The following ARHGEF10 variants were observed in gnomAD, a reference collection of about 807,000 sequenced individuals.
The protein encoded by ARHGEF10 is Rho guanine nucleotide exchange factor (GEF) 10.
A neutral mutation model predicts 147.4 loss-of-function variants in ARHGEF10; 140 were observed. The observed-to-expected ratio is 0.95, with a 90% CI of 0.83 to 1.09. The LOEUF (loss-of-function observed/expected upper bound fraction) is 1.09, where lower values mean the gene tolerates loss of function less well. Among genes scored for constraint, ARHGEF10 ranks in the 50% least tolerant of loss-of-function variants. ARHGEF10 has a pLI of 0.00. For missense variants in ARHGEF10, 2,222 were observed against 1,752.7 expected, an observed-to-expected ratio of 1.27 and a Z score of -4.78; for synonymous variants, 902 against 695.8, an observed-to-expected ratio of 1.30 and a Z score of -4.67.
At chr8:1,919,301 G>C (rs1378369938) in intron 18 of ARHGEF10, among the ~76,000 whole-genome samples, 2 of 149,050 alleles carry the variant, frequency 1.3e-5, no homozygotes, top group Admixed American at 6.6e-5. Flanking sequence ...TTGTTTTATG[G>C]GTAATGGAGC....
chr8:1,825,480 C>T (rs945638722), intron 1 of ARHGEF10, among the ~76,000 whole-genome samples: 1 of 142,370 alleles, frequency 7.0e-6, no homozygotes, highest in African/African-American at 2.7e-5. Flanking sequence ...CCCAGCTGTC[C>T]CTCGCACCCC....
rs78728215 is a variant in ARHGEF10 at position 1,859,155 on chromosome 8, G to A, written c.194-742G>A. Among the ~76,000 whole-genome samples the A allele has an allele frequency of 5.2e-4, 49 of 94,576 alleles. 1 individual carries two copies. The highest frequency in any genetic ancestry group is 4.2e-3 in the East Asian group (12 of 2,888). 62.0% of individuals were successfully genotyped at this position (94,576 alleles called of 152,430 possible). The stretch of plus-strand genomic sequence containing the variant: ...GCAGCACGCGCCTCTCTGCTTACAC[G>A]GTGTTTCTTTGTGCACAGCACCAGC... On this transcript the variant is annotated intron_variant, in intron 3 of 28. Coordinates refer to ENST00000349830, the MANE Select transcript of ARHGEF10 (RefSeq NM_014629.4).
At chr8:1,918,074 C>T (rs1811893813) in intron 18 of ARHGEF10, among the ~76,000 whole-genome samples, 1 of 152,310 alleles carries the variant, frequency 6.6e-6, no homozygotes, top group South Asian at 2.1e-4. Context: ...AGGCGTGAGC[C>T]ACCGCGCCTG....
At chr8:1,907,274 C>T (rs1810972726) in intron 17 of ARHGEF10, among the ~76,000 whole-genome samples, 2 of 152,198 alleles carry the variant, frequency 1.3e-5, no homozygotes, top group Non-Finnish European at 2.9e-5. Context: ...CAGAACCCCC[C>T]TCTCCATGTA....
intron 23 of ARHGEF10, 124 bp from the exon 24 acceptor site, chr8:1,928,298 ATTTTT>A: frequency 1.2e-6 from 1 of 835,788 alleles, no homozygotes; most frequent in Non-Finnish European, 2.0e-6. Flanking sequence ...ATTTTTTTTT[ATTTTT>A]TTAAGTGTGT....
chr8:1,946,641 C>A (rs1814617932), intron 27 of ARHGEF10, among the ~76,000 whole-genome samples: 1 of 152,236 alleles, frequency 6.6e-6, no homozygotes, highest in Non-Finnish European at 1.5e-5. Flanking sequence ...CTCGCACCAT[C>A]CCACTGCGGG....
rs1804301402 is a variant in ARHGEF10, at chr8:1,843,976, A to G, written c.37+540A>G. Among the ~76,000 whole-genome samples, 3 of 152,208 alleles carry G rather than the reference A, an allele frequency of 2.0e-5. No individual in the cohort carries two copies. In the South Asian group the frequency reaches 6.2e-4, roughly 31 times the overall value. ...GAGTTAAATTGTTGCCAAAAAGACT[A>G]TGCCAGGGTTGCCAGCTCGCGCTCC... is the stretch of plus-strand genomic sequence containing the variant. On this transcript the variant is annotated intron_variant, in intron 2 of 28. Coordinates refer to ENST00000349830, the MANE Select transcript of ARHGEF10 (RefSeq NM_014629.4).
At chr8:1,839,033 G>A (rs999120981) in intron 1 of ARHGEF10, among the ~76,000 whole-genome samples, 21 of 151,986 alleles carry the variant, frequency 1.4e-4, no homozygotes, top group African/African-American at 2.7e-4. Flanking sequence ...ACTGTCCAGC[G>A]TGGAAGCTGT....
chr8:1,842,485 C>T (rs959452454), intron 1 of ARHGEF10, among the ~76,000 whole-genome samples: 18 of 152,332 alleles, frequency 1.2e-4, no homozygotes, highest in Non-Finnish European at 2.2e-4. Flanking sequence ...GGCATGGGCC[C>T]GCCTGGCCTC....
intron 3 of ARHGEF10, 87 bp from the exon 4 acceptor site, chr8:1,859,810 T>A: frequency 6.6e-7 from 1 of 1,518,714 alleles, no homozygotes; most frequent in Non-Finnish European, 9.1e-7. Context: ...TGGGAGCTCA[T>A]ACCTGCTTCC....
chr8:1,888,352 G>C (rs113990445), intron 11 of ARHGEF10, among the ~76,000 whole-genome samples: 2,855 of 145,132 alleles, frequency 0.02, 193 homozygotes, highest in Non-Finnish European at 0.03. Flanking sequence ...ACACTGAGTG[G>C]GGTGAGGGTT....
At chr8:1,911,689 G>T (rs1811369100) in intron 18 of ARHGEF10, among the ~76,000 whole-genome samples, 1 of 152,148 alleles carries the variant, frequency 6.6e-6, no homozygotes, top group Non-Finnish European at 1.5e-5. Context: ...GATCTTGAGT[G>T]GGTCTATGTG....
rs1043886472 is a variant in ARHGEF10 at position 1,958,414 on chromosome 8, G to A, written c.*1151G>A. The A allele has an allele frequency of 6.6e-6, 1 of 152,208 alleles. No homozygotes were observed. The highest frequency in any genetic ancestry group is 2.4e-5 in the African/African-American group (1 of 41,446). The allele number at this position is 152,208 out of a possible 1,614,324, so 9.4% of individuals were successfully genotyped here. On this transcript the variant is annotated 3_prime_UTR_variant, in exon 29 of 29. Coordinates refer to ENST00000349830, the MANE Select transcript of ARHGEF10 (RefSeq NM_014629.4). ...GCCATCCTGCTGAACGTGTATTTCA[G>A]TGTTTCACTTACTGGACGGATAACA...
rs143229783 is a variant in ARHGEF10 at position 1,884,486 on chromosome 8, C to T, written c.1076-1115C>T. ...GAGGCTTGGACAGAATTTCGTTCTT[C>T]GTCCTGGTTGTACCTAAGAATTAAC... On this transcript the variant is annotated intron_variant, in intron 10 of 28. Transcript: ENST00000349830. Among the ~76,000 whole-genome samples, 48 of 152,212 alleles carry T rather than the reference C, an allele frequency of 3.2e-4. No homozygotes were observed. The East Asian group carries it at 6.4e-3, about 20-fold the overall frequency.
rs1815683395 is a variant in ARHGEF10, at chr8:1,957,551, G to A, written c.*288G>A. 1 of 538,992 alleles carries A rather than the reference G, an allele frequency of 1.9e-6. No homozygotes were observed. The highest frequency in any genetic ancestry group is 1.9e-5 in the African/African-American group (1 of 52,898). The allele number at this position is 538,992 out of a possible 1,614,324, so 33.4% of individuals were successfully genotyped here. Reference sequence around the variant, plus strand: ...AAATACCACATTCTTTTTGACTGCTGTAGTCCATATGTGAATACTAAATGT... The same window carrying A: ...AAATACCACATTCTTTTTGACTGCTATAGTCCATATGTGAATACTAAATGT... On this transcript the variant is annotated 3_prime_UTR_variant, in exon 29 of 29. Coordinates refer to ENST00000349830, the MANE Select transcript of ARHGEF10 (RefSeq NM_014629.4).
chr8:1,841,838 G>GCCGAACCACGAGGCCA (rs1563161369), intron 1 of ARHGEF10, among the ~76,000 whole-genome samples: 7 of 92,066 alleles, frequency 7.6e-5, no homozygotes, highest in East Asian at 6.9e-4. Flanking sequence ...GGGCCGCGAC[G>GCCGAACCACGAGGCCA]GGAACTGGGG....
chr8:1,928,498 T>G lies in ARHGEF10; in HGVS notation c.2769T>G (p.Ile923Met), dbSNP rs755845522. ...TTCAAAATTCCACTCCCAAAGTCATTGAGTGCTTCAACGTGGAATCTCGCA... is the reference window on the plus strand; with the variant it reads ...TTCAAAATTCCACTCCCAAAGTCATGGAGTGCTTCAACGTGGAATCTCGCA... ...VSFQNSTPKV[I>M]ECFNVESRIL... The change falls in exon 24 of 29, where the codon ATT becomes ATG. Residue 923 changes from isoleucine to methionine, a missense_variant. Ile to Met is a conservative substitution (Grantham distance 10). Coordinates refer to ENST00000349830, the MANE Select transcript of ARHGEF10 (RefSeq NM_014629.4). The G allele has an allele frequency of 1.2e-6, 2 of 1,614,124 alleles. No individual in the cohort carries two copies. The highest frequency in any genetic ancestry group is 1.3e-5 in the African/African-American group (1 of 75,024).
rs887039426 is a variant in ARHGEF10 at position 1,933,916 on chromosome 8, A to C, written c.3196A>C (p.Ile1066Leu). Residue 1066 changes from isoleucine (I) to leucine (L), a missense_variant, in exon 26 of 29, where the codon ATC (isoleucine) becomes CTC (leucine). By Grantham distance (5) the Ile-to-Leu change is conservative. Transcript: ENST00000349830. ...WAASGGQVFIISVETHAVEGQ... is the reference protein window; with the variant it reads ...WAASGGQVFILSVETHAVEGQ... ...GGCTTCCGGAGGTCAAGTCTTCATC[A>C]TCAGTGTGGAGACTCATGCTGTAGA... The C allele has an allele frequency of 1.2e-6, 2 of 1,614,220 alleles. No individual in the cohort carries two copies. Among genetic ancestry groups the C allele is most frequent in the Non-Finnish European group, 1.7e-6 (2 of 1,180,052 alleles).
At chr8:1,938,034 A>G (rs370001181) in intron 26 of ARHGEF10, among the ~76,000 whole-genome samples, 5 of 152,136 alleles carry the variant, frequency 3.3e-5, no homozygotes, top group African/African-American at 1.2e-4. Flanking sequence ...AGCACCCCCA[A>G]CGTGGCAGGG....
Sources: gnomAD v4.1 joint callset for allele counts (sites outside exome capture counted in the v4.1 genomes callset) on GRCh38, gnomAD v4.1.1 for gene constraint, MANE v1.5 for transcripts, NCBI Gene and HGNC (gene_info 2026-07-23, HGNC 2026-07-21) for gene names.